Variants in RFFL observed in about 807,000 individuals in gnomAD.
RFFL encodes the protein E3 ubiquitin-protein ligase rififylin.
Under a neutral mutation model 40.4 loss-of-function variants are expected in RFFL, and 16 were observed. The observed-to-expected ratio is 0.40, with a 90% CI of 0.27 to 0.60. The LOEUF (loss-of-function observed/expected upper bound fraction) is 0.60, where lower values mean the gene tolerates loss of function less well. RFFL is among the 20% of genes least tolerant of loss of function. The pLI is 0.47. For synonymous variants in RFFL, 154 were observed against 167.9 expected (o/e 0.92, Z 0.64); for missense variants, 367 against 451.7 (o/e 0.81, Z 1.70).
At chr17:35,077,437 G>T (rs1241267330) in intron 1 of RFFL, among the ~76,000 whole-genome samples, 1 of 152,198 alleles carries the variant, frequency 6.6e-6, no homozygotes. Flanking sequence ...GCTTGACATT[G>T]CTGTGACATC....
Position 35,055,692 on chromosome 17 carries a change from AC to A in RFFL, c.-9+7883del, listed in dbSNP as rs1567712240. On this transcript the variant is annotated intron_variant, in intron 1 of 6. Coordinates refer to ENST00000394597, the MANE Select transcript of RFFL (RefSeq NM_001017368.2). ...ATCTCAAAAAAAAACAAACAAACAA[AC>A]AAACAAAAAAAAAACATTAATCAGG... is the stretch of plus-strand genomic sequence containing the variant. Among the ~76,000 whole-genome samples the A allele has an allele frequency of 2.8e-4, 42 of 148,376 alleles. 2 individuals are homozygous for A. The highest frequency in any genetic ancestry group is 1.1e-3 in the African/African-American group (41 of 38,376).
At chr17:35,049,053 A>G (rs2091216719) in intron 1 of RFFL, among the ~76,000 whole-genome samples, 1 of 152,294 alleles carries the variant, frequency 6.6e-6, no homozygotes, top group East Asian at 1.9e-4. Flanking sequence ...TGTTCAGCCT[A>G]TCTTCAAGGT....
In RFFL at chr17:35,046,462, G is replaced by A. The variant is rs201977173; in HGVS notation, c.-9+17114C>T. 5.9e-5 allele frequency among the ~76,000 whole-genome samples: 9 copies of A among 152,068 alleles called. No individual in the cohort carries two copies. In the East Asian group the frequency reaches 9.6e-4, roughly 16 times the overall value. On this transcript the variant is annotated intron_variant, in intron 1 of 6. Coordinates refer to ENST00000394597, the MANE Select transcript of RFFL (RefSeq NM_001017368.2). ...GGGTGTACCTTTGCCTGTTCTTCCC[G>A]ACTTGCACAGCCCAAGCAAGGTGGA...
At chr17:35,055,966 T>A (rs530464810) in intron 1 of RFFL, among the ~76,000 whole-genome samples, 3 of 152,058 alleles carry the variant, frequency 2.0e-5, no homozygotes, top group Non-Finnish European at 4.4e-5. Flanking sequence ...GTCCCATTAC[T>A]TCACCTTTCT....
chr17:35,052,116 G>A (rs975153274), intron 1 of RFFL, among the ~76,000 whole-genome samples: 5 of 152,244 alleles, frequency 3.3e-5, no homozygotes, highest in African/African-American at 4.8e-5. Flanking sequence ...CAATATTAAC[G>A]GTTAGCAGAA....
intron 1 of RFFL, among the ~76,000 whole-genome samples, chr17:35,075,646 G>C (rs897936700): frequency 2.0e-5 from 3 of 152,178 alleles, no homozygotes; most frequent in African/African-American, 7.2e-5. Flanking sequence ...TATCAAGTTT[G>C]ACATTTCATC....
intron 1 of RFFL, among the ~76,000 whole-genome samples, chr17:35,048,277 C>T (rs2142353650): frequency 6.6e-6 from 1 of 151,812 alleles, no homozygotes; most frequent in South Asian, 2.1e-4. Context: ...CGGTGTGCAC[C>T]TGTAGTCCCA....
intron 1 of RFFL, among the ~76,000 whole-genome samples, chr17:35,035,444 C>T (rs1409457539): frequency 6.6e-6 from 1 of 151,302 alleles, no homozygotes; most frequent in Non-Finnish European, 1.5e-5. Context: ...TGCCACCCCA[C>T]AGTCTCCAAG....
chr17:35,047,368 T>C lies in RFFL; in HGVS notation c.-9+16208A>G, dbSNP rs572475047. Among the ~76,000 whole-genome samples, 151 of 152,362 alleles carry C rather than the reference T, an allele frequency of 9.9e-4. 1 individual carries two copies. The highest frequency in any genetic ancestry group is 1.9e-3 in the Non-Finnish European group (128 of 68,038). ...ATGTACCATGGTATAGAATGAATTCTGGTGTTATTTAACTCCTTTAATTAA... is the reference window on the plus strand; with the variant it reads ...ATGTACCATGGTATAGAATGAATTCCGGTGTTATTTAACTCCTTTAATTAA... On this transcript the variant is annotated intron_variant, in intron 1 of 6. Transcript: ENST00000394597.
At chr17:35,014,411 A>G (rs1265244243) in intron 6 of RFFL, among the ~76,000 whole-genome samples, 1 of 152,154 alleles carries the variant, frequency 6.6e-6, no homozygotes, top group Non-Finnish European at 1.5e-5. Context: ...TGAAAACACC[A>G]AGATTTTAAA....
Position 35,032,862 on chromosome 17 carries a change from C to T in RFFL, c.-8-6301G>A, listed in dbSNP as rs1041929727. Among the ~76,000 whole-genome samples the T allele has an allele frequency of 1.4e-4, 21 of 152,034 alleles. 1 individual carries two copies. Among genetic ancestry groups the T allele is most frequent in the African/African-American group, 4.8e-4 (20 of 41,306 alleles). ...GTTTTTAGTTTCAAGAAGAAATTAT[C>T]AACGCTGTCAAATGTCTCAGAGAAC... On this transcript the variant is annotated intron_variant, in intron 1 of 6. Coordinates refer to ENST00000394597, the MANE Select transcript of RFFL (RefSeq NM_001017368.2).
chr17:35,059,247 G>T (rs747228022), intron 1 of RFFL, among the ~76,000 whole-genome samples: 1 of 151,912 alleles, frequency 6.6e-6, no homozygotes, highest in Non-Finnish European at 1.5e-5. Context: ...TGGAACTCCC[G>T]ACCTCAGGTG....
chr17:35,080,257 C>T (rs2091397425), intron 1 of RFFL, among the ~76,000 whole-genome samples: 1 of 152,172 alleles, frequency 6.6e-6, no homozygotes, highest in Non-Finnish European at 1.5e-5. Flanking sequence ...AATGGTTATG[C>T]ATCTACTGAC....
chr17:35,032,150 C>T (rs2091089045), intron 1 of RFFL, among the ~76,000 whole-genome samples: 1 of 150,850 alleles, frequency 6.6e-6, no homozygotes, highest in South Asian at 2.1e-4. Flanking sequence ...GGTCAGGGAG[C>T]AAGGCAGGGA....
At chr17:35,056,410 C>T (rs544193823) in intron 1 of RFFL, among the ~76,000 whole-genome samples, 2 of 123,380 alleles carry the variant, frequency 1.6e-5, no homozygotes, top group South Asian at 2.5e-4. Context: ...CAAAGTTTTG[C>T]TCTGTTGCCC....
At chr17:35,038,100 C>A in intron 1 of RFFL, among the ~76,000 whole-genome samples, 1 of 152,002 alleles carries the variant, frequency 6.6e-6, no homozygotes, top group East Asian at 1.9e-4. Context: ...CCAGCCTGGA[C>A]AACATGGTGA....
chr17:35,059,420 A>C (rs893431000), intron 1 of RFFL, among the ~76,000 whole-genome samples: 1 of 152,232 alleles, frequency 6.6e-6, no homozygotes, highest in Non-Finnish European at 1.5e-5. Context: ...AGACATGTGC[A>C]GCCTTCTTGG....
At chr17:35,061,159 T>A (rs1303494331) in intron 1 of RFFL, among the ~76,000 whole-genome samples, 1 of 152,006 alleles carries the variant, frequency 6.6e-6, no homozygotes, top group African/African-American at 2.4e-5. Flanking sequence ...TCAAGCTAAG[T>A]GGAAAACAGG....
intron 6 of RFFL, among the ~76,000 whole-genome samples, chr17:35,014,138 T>C (rs2090958437): frequency 6.6e-6 from 1 of 152,148 alleles, no homozygotes; most frequent in African/African-American, 2.4e-5. Context: ...CCACAGATGG[T>C]CAGGAGTTCT....
Sources: allele counts gnomAD v4.1 joint callset (sites outside exome capture counted in the v4.1 genomes callset), GRCh38; gene constraint gnomAD v4.1.1; transcripts MANE v1.5; gene names NCBI Gene and HGNC (gene_info 2026-07-23, HGNC 2026-07-21).